MTM1: variants seen among roughly 807,000 people sequenced by gnomAD.
MTM1 encodes myotubularin 1.
In MTM1, 9 loss-of-function variants were observed where a neutral mutation model predicts 52.1. The ratio of observed to expected loss-of-function variants is 0.17; its 90% CI spans 0.10 to 0.30. The LOEUF (loss-of-function observed/expected upper bound fraction) is 0.30. Among genes scored for constraint, MTM1 ranks in the 10% least tolerant of loss-of-function variants. MTM1 has a pLI of 1.00. For synonymous variants in MTM1, 136 were observed against 163.8 expected (o/e 0.83, Z 1.29); for missense variants, 277 against 470.7 (o/e 0.59, Z 3.81).
intron 14 of MTM1, among the ~76,000 whole-genome samples, chrX:150,671,022 A>G (rs1445727469): frequency 8.9e-6 from 1 of 111,869 alleles, no homozygotes; most frequent in Non-Finnish European, 1.9e-5. Flanking sequence ...GTTGCTGGAT[A>G]CTCACAGGAA....
intron 6 of MTM1, among the ~76,000 whole-genome samples, chrX:150,619,726 C>T (rs1465176402): frequency 9.0e-6 from 1 of 111,721 alleles, no homozygotes; most frequent in East Asian, 2.8e-4. Context: ...TCGGCCTTGC[C>T]TCCTTTTTTA....
At chrX:150,664,298 G>GCA (rs1171084470) in intron 14 of MTM1, among the ~76,000 whole-genome samples, 1 of 112,781 alleles carries the variant, frequency 8.9e-6, no homozygotes, top group African/African-American at 3.2e-5. Flanking sequence ...GTAAAGGTTT[G>GCA]CACATTTTCC....
At chrX:150,656,338 G>GACACAC (rs782107286) in intron 10 of MTM1, among the ~76,000 whole-genome samples, 1 of 110,087 alleles carries the variant, frequency 9.1e-6, no homozygotes, top group Non-Finnish European at 1.9e-5. Flanking sequence ...TTTGGACACA[G>GACACAC]ACACACACAC....
intron 6 of MTM1, among the ~76,000 whole-genome samples, chrX:150,634,320 C>G (rs1001239219): frequency 1.8e-5 from 2 of 112,170 alleles, no homozygotes; most frequent in Admixed American, 1.9e-4. Context: ...AACAAAAAAT[C>G]CAATCTAGAT....
intron 10 of MTM1, among the ~76,000 whole-genome samples, chrX:150,652,592 T>TATATATATATAC (rs1163278430): frequency 5.1e-4 from 49 of 96,639 alleles, no homozygotes; most frequent in African/African-American, 1.6e-3. Context: ...CAAGAAAAGT[T>TATATATATATAC]ATATATATAT....
At chrX:150,659,898 A>G in intron 12 of MTM1, 142 bp downstream of exon 12, 2 of 514,291 alleles carry the variant, frequency 3.9e-6, no homozygotes, top group Non-Finnish European at 6.8e-6. Flanking sequence ...ATACTTGCAG[A>G]AGCCAGGTAC....
intron 14 of MTM1, among the ~76,000 whole-genome samples, chrX:150,665,554 G>T (rs184855724): frequency 8.9e-6 from 1 of 112,651 alleles, no homozygotes; most frequent in African/African-American, 3.2e-5. Context: ...AAGTTAAATT[G>T]TTATTCAGTT....
intron 7 of MTM1, among the ~76,000 whole-genome samples, chrX:150,640,428 G>A (rs782523837): frequency 9.0e-6 from 1 of 111,581 alleles, no homozygotes; most frequent in South Asian, 3.7e-4. Context: ...TTGGTCCGTG[G>A]TCTCTAGGGC....
At chrX:150,618,452 G>A (rs868925773) in intron 5 of MTM1, among the ~76,000 whole-genome samples, 4 of 110,863 alleles carry the variant, frequency 3.6e-5, no homozygotes, top group African/African-American at 9.9e-5. Flanking sequence ...TCAGGAGTTC[G>A]AGACCAGCCT....
At chrX:150,659,787 A>G in intron 12 of MTM1, 31 bp downstream of exon 12, 2 of 1,065,614 alleles carry the variant, frequency 1.9e-6, no homozygotes, top group Non-Finnish European at 2.6e-6. Context: ...AAATACATTC[A>G]ACTCATTGTT....
chrX:150,639,076 A>G (rs2039804930), intron 7 of MTM1, 50 bp downstream of exon 7: 1 of 944,394 alleles, frequency 1.1e-6, no homozygotes, highest in African/African-American at 1.9e-5. Flanking sequence ...TGAAACATGC[A>G]TTATGACAGT....
At position 150,659,540 on chromosome X, in the gene MTM1, C is replaced by T. The variant is rs2040183985; in HGVS notation, c.1261-124C>T. 7 of 534,277 alleles carry T rather than the reference C, an allele frequency of 1.3e-5. No homozygotes were observed. The South Asian group carries it at 1.9e-4, about 14-fold the overall frequency. 44.0% of individuals were successfully genotyped at this position (534,277 alleles called of 1,213,427 possible). A position where few individuals can be genotyped will look rare whatever the true frequency, so the allele number is the denominator to read the frequency against. On this transcript the variant is annotated intron_variant, in intron 11 of 14. Coordinates refer to ENST00000370396, the MANE Select transcript of MTM1 (RefSeq NM_000252.3). ...ATTGCCATGGAAGTATATATTATTT[C>T]CTCTCTGAGAAACTTGGCATTTAGA...
intron 4 of MTM1, among the ~76,000 whole-genome samples, chrX:150,606,790 C>T (rs922559127): frequency 2.8e-5 from 3 of 107,005 alleles, no homozygotes; most frequent in Non-Finnish European, 3.9e-5. Flanking sequence ...ATCTGCTCAA[C>T]TTCCTTCCCT....
chrX:150,663,502 T>G lies in MTM1; in HGVS notation c.1537T>G (p.Phe513Val). The G allele has an allele frequency of 8.3e-7, 1 of 1,211,198 alleles. No homozygotes were observed. Among genetic ancestry groups the G allele is most frequent in the Non-Finnish European group, 1.1e-6 (1 of 894,870 alleles). The change falls in exon 14 of 15, where the codon TTC becomes GTC. Residue 513 changes from phenylalanine to valine, a missense_variant. By Grantham distance (50) the Phe-to-Val change is conservative (BLOSUM62 -1). Coordinates refer to ENST00000370396, the MANE Select transcript of MTM1 (RefSeq NM_000252.3). ...TAATAAAGAAAAATTCAAAAACCCC[T>G]TCTATACTAAAGAAATCAATCGAGT... The part of the protein sequence containing the change: ...NSNKEKFKNP[F>V]YTKEINRVLY...
intron 6 of MTM1, among the ~76,000 whole-genome samples, chrX:150,638,193 G>A (rs1315416871): frequency 1.8e-5 from 2 of 111,624 alleles, no homozygotes; most frequent in African/African-American, 6.5e-5. Flanking sequence ...GGGGAGCCAA[G>A]AGTGTTTGGC....
intron 14 of MTM1, among the ~76,000 whole-genome samples, chrX:150,671,182 G>A (rs1231396025): frequency 9.0e-6 from 1 of 111,568 alleles, no homozygotes; most frequent in African/African-American, 3.3e-5. Context: ...ATAGTGACAC[G>A]TGTGAGGAAA....
intron 1 of MTM1, among the ~76,000 whole-genome samples, chrX:150,585,651 A>G (rs782510595): frequency 8.9e-6 from 1 of 112,027 alleles, no homozygotes; most frequent in East Asian, 2.8e-4. Context: ...GAATTGGCAG[A>G]TGCACGGGAA....
Position 150,596,504 on chromosome X carries a change from C to G in MTM1, c.70C>G (p.Arg24Gly). ...LENESIKRTSRDGVNRDLTEA... is the reference protein window; with the variant it reads ...LENESIKRTSGDGVNRDLTEA... ...GCATCTGTTTTGTTTCTAGACGTCT[C>G]GAGATGGAGTCAATCGAGATCTCAC... Residue 24 changes from arginine (R) to glycine (G), a missense_variant, in exon 3 of 15, where the codon CGA (arginine) becomes GGA (glycine). Transcript: ENST00000370396. 8.3e-7 allele frequency: 1 copy of G among 1,207,705 alleles called. No individual in the cohort carries two copies. The highest frequency in any genetic ancestry group is 1.1e-6 in the Non-Finnish European group (1 of 893,091).
At chrX:150,664,346 A>G (rs782338096) in intron 14 of MTM1, among the ~76,000 whole-genome samples, 1 of 113,001 alleles carries the variant, frequency 8.8e-6, no homozygotes, top group Non-Finnish European at 1.9e-5. Context: ...CTCACAGTTC[A>G]GTCTTGCATA....
Sources: gnomAD v4.1 joint callset for allele counts (sites outside exome capture counted in the v4.1 genomes callset) on GRCh38, gnomAD v4.1.1 for gene constraint, MANE v1.5 for transcripts, NCBI Gene and HGNC (gene_info 2026-07-23, HGNC 2026-07-21) for gene names.